IL17RB: variants seen among roughly 807,000 people sequenced by gnomAD.
The protein encoded by IL17RB is interleukin-17 receptor B.
In IL17RB, 36 loss-of-function variants were observed where a neutral mutation model predicts 43.9. The ratio of observed to expected loss-of-function variants is 0.82; its 90% CI spans 0.63 to 1.08. IL17RB has a LOEUF of 1.08. IL17RB is among the 50% of genes least tolerant of loss of function. The pLI is 0.00. For missense variants in IL17RB, 613 were observed against 613.6 expected, an observed-to-expected ratio of 1.00 and a Z score of 0.01; for synonymous variants, 225 against 225.4, an observed-to-expected ratio of 1.00 and a Z score of 0.02.
chr3:53,849,527 T>G, intron 2 of IL17RB, 128 bp from the exon 3 acceptor site: 1 of 716,924 alleles, frequency 1.4e-6, no homozygotes. Context: ...AACATTTTTT[T>G]AATTAAAAAA....
rs1345090094 is a variant in IL17RB, at chr3:53,865,232, A to T, written c.1433A>T (p.Glu478Val). 6.2e-7 allele frequency: 1 copy of T among 1,613,528 alleles called. No individual in the cohort carries two copies. Among genetic ancestry groups the T allele is most frequent in the Admixed American group, 1.7e-5 (1 of 60,008 alleles). ...AAGGATGCCACTGCTTTCTGTGCAG[A>T]ACTTCTCCATGTCAAGCAGCAGGTG... ...LMKDATAFCA[E>V]LLHVKQQVSA... Residue 478 changes from glutamate (E) to valine (V), a missense_variant, in exon 11 of 11, where the codon GAA becomes GTA. By Grantham distance (121) the Glu-to-Val change is moderately radical (BLOSUM62 -2). Coordinates refer to ENST00000288167, the MANE Select transcript of IL17RB (RefSeq NM_018725.4).
intron 3 of IL17RB, among the ~76,000 whole-genome samples, chr3:53,850,813 AATAAAAT>A: frequency 6.6e-6 from 1 of 152,230 alleles, no homozygotes; most frequent in South Asian, 2.1e-4. Flanking sequence ...AATAAAATAA[AATAAAAT>A]AAAATAAAAG....
At chr3:53,862,496 A>G (rs953905229) in intron 10 of IL17RB, among the ~76,000 whole-genome samples, 10 of 152,228 alleles carry the variant, frequency 6.6e-5, no homozygotes, top group Non-Finnish European at 1.2e-4. Context: ...CAGGATTTAC[A>G]ACAGAGCCAA....
Position 53,852,092 on chromosome 3 carries a change from C to A in IL17RB, c.320C>A (p.Ala107Asp), listed in dbSNP as rs774149050. Residue 107 changes from alanine to aspartate, a missense_variant, in exon 4 of 11, where the codon GCC (alanine) becomes GAC (aspartate). Coordinates refer to ENST00000288167, the MANE Select transcript of IL17RB (RefSeq NM_018725.4). ...TGTGTGAGGTGCAATTACACAGAGG[C>A]CTTCCAGACTCAGACCAGACCCTCT... is the stretch of plus-strand genomic sequence containing the variant. ...YSCVRCNYTE[A>D]FQTQTRPSGG... The A allele has an allele frequency of 6.2e-7, 1 of 1,614,074 alleles. No individual in the cohort carries two copies. The highest frequency in any genetic ancestry group is 1.1e-5 in the South Asian group (1 of 91,068).
intron 10 of IL17RB, chr3:53,861,536 AG>A (rs1466773646): frequency 6.6e-6 from 1 of 152,260 alleles, no homozygotes; most frequent in African/African-American, 2.4e-5. Flanking sequence ...ATGTGGGTGC[AG>A]GATTGCTGTA....
At position 53,864,863 on chromosome 3, in the gene IL17RB, T is replaced by C; in HGVS notation, c.1064T>C (p.Leu355Pro). 1.9e-6 allele frequency: 3 copies of C among 1,614,232 alleles called. No homozygotes were observed. Among genetic ancestry groups the C allele is most frequent in the Non-Finnish European group, 2.5e-6 (3 of 1,180,038 alleles). ...HHTICYFTEFLQNHCRSEVIL... is the reference protein window; with the variant it reads ...HHTICYFTEFPQNHCRSEVIL... ...ACAATTTGTTACTTCACTGAATTTCTTCAAAACCATTGCAGAAGTGAGGTC... is the reference window on the plus strand; with the variant it reads ...ACAATTTGTTACTTCACTGAATTTCCTCAAAACCATTGCAGAAGTGAGGTC... The change falls in exon 11 of 11, where the codon CTT becomes CCT. Residue 355 changes from leucine (L) to proline (P), a missense_variant. Physicochemically the swap from Leu to Pro is moderately conservative, Grantham distance 98 (BLOSUM62 -3). Transcript: ENST00000288167.
At chr3:53,858,421 A>G (rs114840183) in intron 8 of IL17RB, 1 of 1,142,600 alleles carries the variant, frequency 8.8e-7, no homozygotes, top group African/African-American at 1.6e-5. Context: ...TCTAGAGGAA[A>G]TGTTTGTCTA....
chr3:53,862,894 A>G (rs1699615674), intron 10 of IL17RB, among the ~76,000 whole-genome samples: 1 of 152,164 alleles, frequency 6.6e-6, no homozygotes, highest in African/African-American at 2.4e-5. Context: ...GTCTTTCTGT[A>G]AAGTTACACT....
intron 4 of IL17RB, among the ~76,000 whole-genome samples, chr3:53,852,372 C>T (rs917834593): frequency 3.3e-5 from 5 of 152,050 alleles, no homozygotes; most frequent in African/African-American, 7.2e-5. Flanking sequence ...AGTGCTCAAG[C>T]GATCTGCCTG....
At chr3:53,864,515 A>G (rs1290266836) in intron 10 of IL17RB, among the ~76,000 whole-genome samples, 1 of 152,128 alleles carries the variant, frequency 6.6e-6, no homozygotes, top group Non-Finnish European at 1.5e-5. Flanking sequence ...AGCCTGGGCG[A>G]CAGAGTGAGA....
At chr3:53,863,385 AAGGC>A (rs1699639900) in intron 10 of IL17RB, among the ~76,000 whole-genome samples, 1 of 151,158 alleles carries the variant, frequency 6.6e-6, no homozygotes, top group African/African-American at 2.4e-5. Context: ...TACTCAGCTC[AAGGC>A]AGAGCTATTA....
intron 10 of IL17RB, 82 bp downstream of exon 10, chr3:53,860,310 C>T (rs1198169946): frequency 8.8e-6 from 10 of 1,133,722 alleles, no homozygotes; most frequent in Non-Finnish European, 9.1e-6. Flanking sequence ...CCTCTGGAGG[C>T]AATCACATGT....
At position 53,846,616 on chromosome 3, in the gene IL17RB, G is replaced by A; in HGVS notation, c.28G>A (p.Ala10Thr). ...GTCGCTCGTGCTGCTAAGCCTGGCC[G>A]CGCTGTGCAGGAGCGCCGTACCCCG... is the stretch of plus-strand genomic sequence containing the variant. MSLVLLSLA[A>T]LCRSAVPREP... Residue 10 changes from alanine to threonine, a missense_variant, in exon 1 of 11, where the codon GCG (alanine) becomes ACG (threonine). Ala to Thr is a moderately conservative substitution (Grantham distance 58). Coordinates refer to ENST00000288167, the MANE Select transcript of IL17RB (RefSeq NM_018725.4). 2 of 1,592,300 alleles carry A rather than the reference G, an allele frequency of 1.3e-6. No homozygotes were observed. Among genetic ancestry groups the A allele is most frequent in the East Asian group, 2.3e-5 (1 of 43,166 alleles).
rs1254941475 is a variant in IL17RB, at chr3:53,849,664, C to A, written c.95C>A (p.Pro32Gln). 10 of 1,605,834 alleles carry A rather than the reference C, an allele frequency of 6.2e-6. No individual in the cohort carries two copies. The East Asian group carries it at 2.0e-4, about 33-fold the overall frequency. Residue 32 changes from proline to glutamine, a missense_variant, in exon 3 of 11, where the codon CCA becomes CAA. Transcript: ENST00000288167. ...VQCGSETGPS[P>Q]EWMLQHDLIP... is the part of the protein sequence containing the mutation. Reference sequence around the variant, plus strand: ...TCTTGCTTTTTCCCAGGGCCATCTCCAGAGTGGATGCTACAACATGATCTA... The same window carrying A: ...TCTTGCTTTTTCCCAGGGCCATCTCAAGAGTGGATGCTACAACATGATCTA...
chr3:53,865,025 G>A lies in IL17RB; in HGVS notation c.1226G>A (p.Gly409Asp), dbSNP rs372602299. The A allele has an allele frequency of 7.9e-5, 127 of 1,613,964 alleles. 1 individual carries two copies. Among genetic ancestry groups the A allele is most frequent in the Non-Finnish European group, 1.1e-4 (125 of 1,180,012 alleles). Residue 409 changes from glycine to aspartate, a missense_variant, in exon 11 of 11, where the codon GGC (glycine) becomes GAC (aspartate). Coordinates refer to ENST00000288167, the MANE Select transcript of IL17RB (RefSeq NM_018725.4). ...DVNSVCDGTC[G>D]KSEGSPSENS... ...AACAGTGTGTGCGATGGTACCTGTG[G>A]CAAGAGCGAGGGCAGTCCCAGTGAG...
chr3:53,848,431 T>G (rs1326454802), intron 1 of IL17RB, among the ~76,000 whole-genome samples: 1 of 152,272 alleles, frequency 6.6e-6, no homozygotes. Flanking sequence ...AGTGAGGTTA[T>G]GCACTGGCTT....
At chr3:53,864,634 T>C (rs372801719) in intron 10 of IL17RB, 112 bp from the exon 11 acceptor site, 19 of 807,192 alleles carry the variant, frequency 2.4e-5, no homozygotes, top group African/African-American at 2.2e-4. Context: ...AACAAGGCCC[T>C]TGGTGCTCAG....
intron 10 of IL17RB, 80 bp from the exon 11 acceptor site, chr3:53,864,666 T>A: frequency 9.4e-7 from 1 of 1,061,086 alleles, no homozygotes; most frequent in Non-Finnish European, 1.4e-6. Context: ...TAGCAAGGGA[T>A]CATTTGTCAG....
intron 6 of IL17RB, 132 bp from the exon 7 acceptor site, chr3:53,856,712 C>A (rs1559778898): frequency 1.2e-6 from 1 of 801,322 alleles, no homozygotes; most frequent in Non-Finnish European, 2.0e-6. Context: ...AAAAAGTTCA[C>A]TATGTAGCAG....
Sources: allele counts gnomAD v4.1 joint callset (sites outside exome capture counted in the v4.1 genomes callset), GRCh38; gene constraint gnomAD v4.1.1; transcripts MANE v1.5; gene names NCBI Gene and HGNC (gene_info 2026-07-23, HGNC 2026-07-21).